The following ANP32B variants were observed in gnomAD, a reference collection of about 807,000 sequenced individuals.
The protein encoded by ANP32B is acidic nuclear phosphoprotein 32 family member B.
Under a neutral mutation model 32.2 loss-of-function variants are expected in ANP32B, and 6 were observed. The observed-to-expected ratio is 0.19, with a 90% CI of 0.10 to 0.37. The LOEUF (loss-of-function observed/expected upper bound fraction) is 0.37. ANP32B is among the 10% of genes least tolerant of loss of function. The pLI is 1.00. For missense variants in ANP32B, 204 were observed against 289.2 expected, an observed-to-expected ratio of 0.71 and a Z score of 2.14; for synonymous variants, 98 against 105.8, an observed-to-expected ratio of 0.93 and a Z score of 0.45.
chr9:98,000,447 C>G (rs765215954), intron 3 of ANP32B, among the ~76,000 whole-genome samples: 5 of 152,218 alleles, frequency 3.3e-5, no homozygotes, highest in Non-Finnish European at 7.3e-5. Flanking sequence ...AAACCAACCC[C>G]CATTTCCAGT....
At chr9:98,010,351 G>C (rs2131592023) in intron 4 of ANP32B, among the ~76,000 whole-genome samples, 1 of 151,354 alleles carries the variant, frequency 6.6e-6, no homozygotes, top group Middle Eastern at 3.4e-3. Context: ...GGGAGGGTGA[G>C]GCAGGATGAT....
Position 98,004,952 on chromosome 9 carries a change from C to T in ANP32B, c.328-12C>T, listed in dbSNP as rs550769169. Reference sequence around the variant, plus strand: ...TGGTTTAGGAGTTGTGGTTTTTGATCCTTTTCTTCAGAAAAAGTTAGAATG... The same window carrying T: ...TGGTTTAGGAGTTGTGGTTTTTGATTCTTTTCTTCAGAAAAAGTTAGAATG... On this transcript the variant is annotated splice_polypyrimidine_tract_variant and intron_variant, in intron 3 of 6. Transcript: ENST00000339399. 6.3e-7 allele frequency: 1 copy of T among 1,593,356 alleles called. No homozygotes were observed. Among genetic ancestry groups the T allele is most frequent in the East Asian group, 2.3e-5 (1 of 44,440 alleles).
At chr9:98,011,444 G>T in intron 5 of ANP32B, 55 bp downstream of exon 5, 1 of 1,537,458 alleles carries the variant, frequency 6.5e-7, no homozygotes, top group Non-Finnish European at 8.8e-7. Context: ...ACAAAAGTGG[G>T]GGTTTCAAAA....
At chr9:97,998,430 A>G (rs1288224750) in intron 2 of ANP32B, 126 bp from the exon 3 acceptor site, 2 of 1,038,530 alleles carry the variant, frequency 1.9e-6, no homozygotes, top group Non-Finnish European at 2.7e-6. Context: ...GCATGCCCTA[A>G]TAGAAATAGG....
chr9:98,013,975 C>G (rs368319640), intron 6 of ANP32B, among the ~76,000 whole-genome samples: 2 of 152,202 alleles, frequency 1.3e-5, no homozygotes, highest in Non-Finnish European at 2.9e-5. Flanking sequence ...CCACCGCACT[C>G]CAGCCTGAGT....
intron 4 of ANP32B, among the ~76,000 whole-genome samples, chr9:98,009,248 AT>A (rs1317558747): frequency 3.3e-5 from 5 of 152,216 alleles, no homozygotes; most frequent in African/African-American, 1.2e-4. Flanking sequence ...TATTTTACAG[AT>A]TTACAGATTT....
intron 1 of ANP32B, among the ~76,000 whole-genome samples, chr9:97,985,911 T>G (rs1827723452): frequency 6.6e-6 from 1 of 152,238 alleles, no homozygotes; most frequent in Admixed American, 6.5e-5. Flanking sequence ...AGCCTCCGCT[T>G]ACCGGGTTCA....
chr9:97,995,264 T>C (rs891593494), intron 2 of ANP32B, among the ~76,000 whole-genome samples: 2 of 152,190 alleles, frequency 1.3e-5, no homozygotes, highest in East Asian at 3.8e-4. Context: ...CCTTATTTTA[T>C]AGGCACAGCA....
At position 98,011,395 on chromosome 9, in the gene ANP32B, T is replaced by G; in HGVS notation, c.636+6T>G. The G allele has an allele frequency of 2.5e-6, 4 of 1,588,902 alleles. No homozygotes were observed. The highest frequency in any genetic ancestry group is 3.4e-6 in the Non-Finnish European group (4 of 1,164,730). On this transcript the variant is annotated splice_donor_region_variant and intron_variant, in intron 5 of 6. Transcript: ENST00000339399. Reference sequence around the variant, plus strand: ...ACGATGAAGTCAGTGAGGAGGTCAGTGCAGCTGTTTTCTACCCTGCTTCCT... The same window carrying G: ...ACGATGAAGTCAGTGAGGAGGTCAGGGCAGCTGTTTTCTACCCTGCTTCCT...
chr9:98,015,008 C>A (rs931282103), intron 6 of ANP32B, among the ~76,000 whole-genome samples: 1 of 152,200 alleles, frequency 6.6e-6, no homozygotes, highest in Non-Finnish European at 1.5e-5. Context: ...CTGCCTTGGC[C>A]TCCCAAAGTG....
At chr9:97,984,783 C>A (rs1398157772) in intron 1 of ANP32B, 1 of 150,376 alleles carries the variant, frequency 6.6e-6, no homozygotes, top group Non-Finnish European at 1.5e-5. Flanking sequence ...CGCGGGCGCG[C>A]TGCCGACCCC....
In ANP32B at chr9:97,983,457, A is replaced by G. The variant is rs1037693040; in HGVS notation, c.-99A>G. On this transcript the variant is annotated 5_prime_UTR_variant, in exon 1 of 7. Coordinates refer to ENST00000339399, the MANE Select transcript of ANP32B (RefSeq NM_006401.3). ...CGCGCCGCCGGCCTCCGCCGCTAGC[A>G]AACCCTTCCGACGGCCCTCGCTGCG... 18 of 1,165,454 alleles carry G rather than the reference A, an allele frequency of 1.5e-5. No homozygotes were observed. The South Asian group carries it at 2.0e-4, about 13-fold the overall frequency. 72.2% of individuals were successfully genotyped at this position (1,165,454 alleles called of 1,614,324 possible). A position where few individuals can be genotyped will look rare whatever the true frequency, so the allele number is the denominator to read the frequency against.
rs1828263026 is a variant in ANP32B at position 98,015,545 on chromosome 9, C to T, written c.*114C>T. On this transcript the variant is annotated 3_prime_UTR_variant, in exon 7 of 7. Transcript: ENST00000339399. ...AGCTGTGATACAAACCCCAGGACAC[C>T]CACCCACCCAAAGAGCCAAAGAATA... The T allele has an allele frequency of 7.1e-7, 1 of 1,411,708 alleles. No homozygotes were observed. Among genetic ancestry groups the T allele is most frequent in the South Asian group, 1.6e-5 (1 of 61,868 alleles). 87.4% of individuals were successfully genotyped at this position (1,411,708 alleles called of 1,614,324 possible).
intron 1 of ANP32B, chr9:97,986,581 C>T (rs766343753): frequency 2.0e-5 from 3 of 152,212 alleles, no homozygotes; most frequent in Non-Finnish European, 2.9e-5. Context: ...AGGCGTCATC[C>T]TTAAGGCAAA....
rs115578989 is a variant in ANP32B at position 98,009,766 on chromosome 9, A to G, written c.518-1505A>G. On this transcript the variant is annotated intron_variant, in intron 4 of 6. Transcript: ENST00000339399. The stretch of plus-strand genomic sequence containing the variant: ...AGTTTTCACATCAGTCAGCATGAGT[A>G]TTTCTTTTCTTTAAAAATTAGCACA... Among the ~76,000 whole-genome samples, 508 of 152,374 alleles carry G rather than the reference A, an allele frequency of 3.3e-3. 3 individuals are homozygous for G. The highest frequency in any genetic ancestry group is 0.012 in the African/African-American group (482 of 41,596).
Position 97,983,484 on chromosome 9 carries a change from A to T in ANP32B, c.-72A>T, listed in dbSNP as rs1827630917. ...ACCCTTCCGACGGCCCTCGCTGCGC[A>T]AGCCGGGACGCCTCTCCCCCCTCCG... On this transcript the variant is annotated 5_prime_UTR_variant, in exon 1 of 7. Coordinates refer to ENST00000339399, the MANE Select transcript of ANP32B (RefSeq NM_006401.3). The T allele has an allele frequency of 7.2e-7, 1 of 1,385,054 alleles. No individual in the cohort carries two copies. The highest frequency in any genetic ancestry group is 9.9e-7 in the Non-Finnish European group (1 of 1,009,380). The allele number at this position is 1,385,054 out of a possible 1,614,324, so 85.8% of individuals were successfully genotyped here.
chr9:98,006,409 T>G (rs1031381426), intron 4 of ANP32B, among the ~76,000 whole-genome samples: 1 of 152,122 alleles, frequency 6.6e-6, no homozygotes, highest in Non-Finnish European at 1.5e-5. Context: ...CATCCACACC[T>G]CTTTCCCGCA....
At chr9:98,009,092 T>C (rs1828136874) in intron 4 of ANP32B, among the ~76,000 whole-genome samples, 1 of 152,228 alleles carries the variant, frequency 6.6e-6, no homozygotes, top group African/African-American at 2.4e-5. Flanking sequence ...TCCATTGACA[T>C]ATGACCAGAG....
chr9:97,983,398 C>T lies in ANP32B; in HGVS notation c.-158C>T. The T allele has an allele frequency of 1.7e-6, 1 of 597,552 alleles. No homozygotes were observed. Among genetic ancestry groups the T allele is most frequent in the Non-Finnish European group, 2.9e-6 (1 of 345,126 alleles). The allele number at this position is 597,552 out of a possible 1,614,324, so 37.0% of individuals were successfully genotyped here. ...GAGTAACTTGGCTCCGGGGGCTCCG[C>T]TCGCCTGCCCGCACGCCGCCCGCCA... is the stretch of plus-strand genomic sequence containing the variant. On this transcript the variant is annotated 5_prime_UTR_variant, in exon 1 of 7. Coordinates refer to ENST00000339399, the MANE Select transcript of ANP32B (RefSeq NM_006401.3).
Sources: gnomAD v4.1 joint callset for allele counts (sites outside exome capture counted in the v4.1 genomes callset) on GRCh38, gnomAD v4.1.1 for gene constraint, MANE v1.5 for transcripts, NCBI Gene and HGNC (gene_info 2026-07-23, HGNC 2026-07-21) for gene names.